The following THUMPD2 variants were observed in gnomAD, a reference collection of about 807,000 sequenced individuals.
THUMPD2 encodes U6 snRNA (guanine-N(2))-methyltransferase THUMPD2.
THUMPD2 carries 56 observed loss-of-function variants against 49.4 expected under a neutral mutation model. The ratio of observed to expected loss-of-function variants is 1.13; its 90% confidence interval spans 0.91 to 1.41. The LOEUF is 1.41. THUMPD2 is among the 40% of genes most tolerant of loss of function. The pLI is 0.00. For synonymous variants in THUMPD2, 237 were observed against 205.2 expected, an observed-to-expected ratio of 1.15 and a Z score of -1.32; for missense variants, 709 against 594.5, an observed-to-expected ratio of 1.19 and a Z score of -2.00.
At chr2:39,755,505 AT>A in intron 7 of THUMPD2, 96 bp from the exon 8 acceptor site, 1 of 782,790 alleles carries the variant, frequency 1.3e-6, no homozygotes, top group East Asian at 3.0e-5. Flanking sequence ...GACAAGTGAA[AT>A]TAGTAGATTT....
rs57906396 is a variant in THUMPD2 at position 39,767,603 on chromosome 2, C to CAAAAAAAAAAA, written c.750+810_750+820dup. Reference sequence around the variant, plus strand: ...TGGGCGACAGAGCGAGACTCCGTCTCAAAAAAAAAAAAAAAAAAAGAATTG... The same window carrying CAAAAAAAAAAA: ...TGGGCGACAGAGCGAGACTCCGTCTCAAAAAAAAAAAAAAAAAAAAAAAAAAAAAAGAATTG... On this transcript the variant is annotated intron_variant, in intron 4 of 9. Coordinates refer to ENST00000505747, the MANE Select transcript of THUMPD2 (RefSeq NM_025264.5). 4.7e-4 allele frequency among the ~76,000 whole-genome samples: 32 copies of CAAAAAAAAAAA among 67,800 alleles called. 1 individual carries two copies. Among genetic ancestry groups the CAAAAAAAAAAA allele is most frequent in the South Asian group, 2.3e-3 (4 of 1,720 alleles). 44.5% of individuals were successfully genotyped at this position (67,800 alleles called of 152,430 possible).
intron 9 of THUMPD2, among the ~76,000 whole-genome samples, chr2:39,742,479 A>G (rs549411623): frequency 6.6e-6 from 1 of 152,290 alleles, no homozygotes; most frequent in African/African-American, 2.4e-5. Context: ...GGCTGGTATA[A>G]TTTACTAGGC....
chr2:39,743,700 G>A (rs778197685), intron 9 of THUMPD2, among the ~76,000 whole-genome samples: 6 of 152,084 alleles, frequency 3.9e-5, no homozygotes, highest in South Asian at 2.1e-4. Context: ...TCTGCACACC[G>A]GGCTTGCCTT....
intron 1 of THUMPD2, among the ~76,000 whole-genome samples, chr2:39,777,317 T>C (rs1263205108): frequency 1.3e-5 from 2 of 152,222 alleles, no homozygotes; most frequent in Non-Finnish European, 2.9e-5. Context: ...CACAGGTCTT[T>C]TGATTCTAAA....
chr2:39,757,365 G>A (rs1676280414), intron 6 of THUMPD2: 1 of 1,301,426 alleles, frequency 7.7e-7, no homozygotes, highest in Non-Finnish European at 1.0e-6. Context: ...GAGCCATATG[G>A]TACCTAATGG....
At chr2:39,768,772 C>G (rs1277354844) in intron 3 of THUMPD2, 4 of 760,158 alleles carry the variant, frequency 5.3e-6, no homozygotes, top group Non-Finnish European at 7.8e-6. Flanking sequence ...TATGAAATAA[C>G]TAGATTATGA....
chr2:39,767,687 T>C (rs908487837), intron 4 of THUMPD2, among the ~76,000 whole-genome samples: 32 of 150,066 alleles, frequency 2.1e-4, no homozygotes, highest in Admixed American at 1.9e-3. Flanking sequence ...GATCAAAACA[T>C]TTAGTATGAC....
intron 4 of THUMPD2, among the ~76,000 whole-genome samples, chr2:39,766,586 T>G (rs1490070859): frequency 1.3e-5 from 2 of 152,226 alleles, no homozygotes; most frequent in Non-Finnish European, 2.9e-5. Flanking sequence ...TCTATAAGTT[T>G]CTGTCTTTCT....
chr2:39,756,089 G>A, intron 6 of THUMPD2, 129 bp from the exon 7 acceptor site: 2 of 800,698 alleles, frequency 2.5e-6, no homozygotes, highest in Non-Finnish European at 2.0e-6. Context: ...TGGCTGAAGG[G>A]ACAGATGGGT....
At chr2:39,772,418 A>G (rs1484340112) in intron 1 of THUMPD2, among the ~76,000 whole-genome samples, 1 of 152,206 alleles carries the variant, frequency 6.6e-6, no homozygotes, top group Non-Finnish European at 1.5e-5. Flanking sequence ...AAGAGGCATA[A>G]AGGACTGAGT....
chr2:39,774,465 T>C (rs1678805590), intron 1 of THUMPD2, among the ~76,000 whole-genome samples: 1 of 152,236 alleles, frequency 6.6e-6, no homozygotes, highest in Non-Finnish European at 1.5e-5. Flanking sequence ...ATCCTTTTGC[T>C]TGAAGTCACA....
intron 5 of THUMPD2, among the ~76,000 whole-genome samples, chr2:39,762,804 TA>T (rs1676995598): frequency 6.6e-6 from 1 of 150,474 alleles, no homozygotes; most frequent in African/African-American, 2.4e-5. Flanking sequence ...GGAGACGCAG[TA>T]TGGGAAACCA....
chr2:39,755,483 A>G, intron 7 of THUMPD2, 74 bp from the exon 8 acceptor site: 1 of 954,768 alleles, frequency 1.0e-6, no homozygotes, highest in Non-Finnish European at 1.5e-6. Flanking sequence ...ATCGACTTGC[A>G]TTTTCTCAAA....
chr2:39,771,479 G>A (rs1678306149), intron 2 of THUMPD2, 26 bp downstream of exon 2: 1 of 1,569,982 alleles, frequency 6.4e-7, no homozygotes, highest in South Asian at 1.2e-5. Flanking sequence ...GTGGGTAAAA[G>A]CAACATGCAT....
intron 6 of THUMPD2, among the ~76,000 whole-genome samples, chr2:39,758,598 G>A (rs1339640755): frequency 6.6e-6 from 1 of 152,194 alleles, no homozygotes; most frequent in Non-Finnish European, 1.5e-5. Context: ...AGTGAATAGA[G>A]AAGCTTCCTC....
intron 6 of THUMPD2, 73 bp from the exon 7 acceptor site, chr2:39,756,033 G>A: frequency 7.4e-7 from 1 of 1,351,602 alleles, no homozygotes; most frequent in South Asian, 1.2e-5. Context: ...CCTAAAACTT[G>A]AGGAATCAAT....
At chr2:39,757,417 G>T in intron 6 of THUMPD2, 1 of 1,301,924 alleles carries the variant, frequency 7.7e-7, no homozygotes, top group Non-Finnish European at 1.0e-6. Flanking sequence ...GCCTTCCCCT[G>T]GTACTAAATT....
chr2:39,753,237 C>G (rs1223822671), intron 8 of THUMPD2, among the ~76,000 whole-genome samples: 1 of 152,298 alleles, frequency 6.6e-6, no homozygotes, highest in African/African-American at 2.4e-5. Flanking sequence ...CCCATTCTCT[C>G]AAGAGCCCCT....
At chr2:39,766,289 C>T (rs1255377108) in intron 4 of THUMPD2, 180 bp from the exon 5 acceptor site, 1 of 440,232 alleles carries the variant, frequency 2.3e-6, no homozygotes, top group Non-Finnish European at 4.0e-6. Flanking sequence ...CAGAAGGAAA[C>T]TAAATTTTAA....
Sources: allele counts gnomAD v4.1 joint callset (sites outside exome capture counted in the v4.1 genomes callset), GRCh38; gene constraint gnomAD v4.1.1; transcripts MANE v1.5; gene names NCBI Gene and HGNC (gene_info 2026-07-23, HGNC 2026-07-21).